Variants in SYT7 observed in about 807,000 individuals in gnomAD.
SYT7 encodes the protein synaptotagmin 7, also known as synaptotagmin-7.
In SYT7, 29 loss-of-function variants were observed where a neutral mutation model predicts 75.1. The observed-to-expected ratio is 0.39, with a 90% CI of 0.29 to 0.53. The LOEUF is 0.53. SYT7 is among the 20% of genes least tolerant of loss of function. The pLI is 0.77. For missense variants in SYT7, 693 were observed against 953.2 expected, an observed-to-expected ratio of 0.73 and a Z score of 3.59; for synonymous variants, 376 against 401.7, an observed-to-expected ratio of 0.94 and a Z score of 0.76.
At position 61,551,303 on chromosome 11, in the gene SYT7, G is replaced by A. The variant is rs1217456569; in HGVS notation, c.215+81C>T. The A allele has an allele frequency of 1.5e-5, 20 of 1,331,412 alleles. No individual in the cohort carries two copies. The Admixed American group carries it at 3.4e-4, about 23-fold the overall frequency. 82.5% of individuals were successfully genotyped at this position (1,331,412 alleles called of 1,614,324 possible). A position where few individuals can be genotyped will look rare whatever the true frequency, so the allele number is the denominator to read the frequency against. ...GAAGTGAAAGTGTGTGGTCAGGTCT[G>A]TGGGGCTGGGGGAGAGAAGGGGCTC... is the stretch of plus-strand genomic sequence containing the variant. On this transcript the variant is annotated intron_variant, in intron 3 of 12. Coordinates refer to ENST00000539008, the MANE Select transcript of SYT7 (RefSeq NM_001365809.2). This position sits in a 1 kb window ranked among gnomAD's most constrained non-coding sequence, Gnocchi z 5.3.
chr11:61,542,279 G>A lies in SYT7; in HGVS notation c.873C>T (p.Ser291=). The change falls in exon 6 of 13, where the codon TCC becomes TCT. Residue 291 remains serine, a synonymous_variant. Transcript: ENST00000539008. This position sits in a 1 kb window ranked among gnomAD's most constrained non-coding sequence, Gnocchi z 7.8. Reference sequence around the variant, plus strand: ...CCACGTGGTCCCAGCTGCCTGGGTTGGAGCGGCTGCGGCCCCCTGCCGCCC... The same window carrying A: ...CCACGTGGTCCCAGCTGCCTGGGTTAGAGCGGCTGCGGCCCCCTGCCGCCC... The part of the protein sequence containing the change: ...KYRAAGGRSR[S]NPGSWDHVVG... 1.3e-6 allele frequency: 2 copies of A among 1,535,170 alleles called. No individual in the cohort carries two copies. The highest frequency in any genetic ancestry group is 1.7e-6 in the Non-Finnish European group (2 of 1,146,428).
At chr11:61,573,191 T>TG (rs1038425558) in intron 1 of SYT7, among the ~76,000 whole-genome samples, 9 of 152,118 alleles carry the variant, frequency 5.9e-5, no homozygotes, top group African/African-American at 9.7e-5. Flanking sequence ...CCCTGATGCC[T>TG]GGGGGGGTTA....
At chr11:61,537,326 T>C (rs2062896707) in intron 7 of SYT7, among the ~76,000 whole-genome samples, 1 of 143,938 alleles carries the variant, frequency 6.9e-6, no homozygotes, top group African/African-American at 2.5e-5. Flanking sequence ...CCCTTGCCCA[T>C]GAGCAGCGCC....
chr11:61,547,391 C>T, intron 3 of SYT7, 83 bp from the exon 4 acceptor site: 1 of 1,474,826 alleles, frequency 6.8e-7, no homozygotes, highest in Non-Finnish European at 9.1e-7. Flanking sequence ...GCAGAAGGGA[C>T]CAGGACCCCG....
At chr11:61,521,321 A>G (rs2062322200) in intron 12 of SYT7, among the ~76,000 whole-genome samples, 1 of 152,258 alleles carries the variant, frequency 6.6e-6, no homozygotes, top group South Asian at 2.1e-4. Context: ...GGCCTGTTTC[A>G]GAAGGAGCTC....
chr11:61,550,310 C>A (rs1269382282), intron 3 of SYT7, among the ~76,000 whole-genome samples: 1 of 151,908 alleles, frequency 6.6e-6, no homozygotes, highest in Non-Finnish European at 1.5e-5. Flanking sequence ...TGGGAGGGAG[C>A]CCTCAGGAGC....
In SYT7 at chr11:61,542,110, G is replaced by A. The variant is rs1590878369; in HGVS notation, c.941+101C>T. On this transcript the variant is annotated intron_variant, in intron 6 of 12. Transcript: ENST00000539008. This position sits in a 1 kb window ranked among gnomAD's most constrained non-coding sequence, Gnocchi z 7.8. ...CTTGGCACCCTGCCAAGGGGATGGA[G>A]GGCCGGGAGGTACACACAACCAGCT... 4 of 1,422,870 alleles carry A rather than the reference G, an allele frequency of 2.8e-6. No homozygotes were observed. The highest frequency in any genetic ancestry group is 2.9e-5 in the South Asian group (2 of 69,632). 88.1% of individuals were successfully genotyped at this position (1,422,870 alleles called of 1,614,324 possible). A position where few individuals can be genotyped will look rare whatever the true frequency, so the allele number is the denominator to read the frequency against.
chr11:61,530,220 C>T (rs2062662749), intron 8 of SYT7, among the ~76,000 whole-genome samples: 1 of 152,222 alleles, frequency 6.6e-6, no homozygotes, highest in East Asian at 1.9e-4. Flanking sequence ...CCACCTGCGC[C>T]TTGCTCTTGC....
At chr11:61,555,628 C>G (rs2063478932) in intron 2 of SYT7, among the ~76,000 whole-genome samples, 1 of 152,064 alleles carries the variant, frequency 6.6e-6, no homozygotes, top group Admixed American at 6.5e-5. Context: ...GGGGGTGGGG[C>G]GGGCGGCGCC....
intron 12 of SYT7, among the ~76,000 whole-genome samples, chr11:61,522,182 G>A (rs1291779363): frequency 4.1e-5 from 6 of 145,464 alleles, no homozygotes; most frequent in African/African-American, 7.7e-5. Flanking sequence ...GATATGAAGA[G>A]ATCACTTTTT....
intron 9 of SYT7, among the ~76,000 whole-genome samples, chr11:61,525,007 G>C (rs528229392): frequency 6.0e-4 from 91 of 152,296 alleles, no homozygotes; most frequent in African/African-American, 2.1e-3. Context: ...GGAGGGAAAA[G>C]GCAAAGGCAC....
At position 61,517,247 on chromosome 11, in the gene SYT7, C is replaced by T. The variant is rs1014053572; in HGVS notation, c.*1380G>A. On this transcript the variant is annotated 3_prime_UTR_variant, in exon 13 of 13. Transcript: ENST00000539008. ...AAGCAGGGATCAGCCTGAAATCTGC[C>T]GTCTCCAAGGGGAAGCCAGTTTTAG... 7.5e-6 allele frequency: 3 copies of T among 398,520 alleles called. No individual in the cohort carries two copies. The highest frequency in any genetic ancestry group is 8.8e-6 in the Non-Finnish European group (2 of 226,060). The allele number at this position is 398,520 out of a possible 1,614,324, so 24.7% of individuals were successfully genotyped here. A position where few individuals can be genotyped will look rare whatever the true frequency, so the allele number is the denominator to read the frequency against.
At position 61,546,130 on chromosome 11, in the gene SYT7, C is replaced by G. The variant is rs773128770; in HGVS notation, c.473G>C (p.Gly158Ala). ...PPGEDALRSG[G>A]AAPSEPGSGG... ...GCTGCCCGGCTCGCTGGGGGCAGCCCCGCCGCTTCTCAAGGCGTCCTCTCC... is the reference window on the plus strand; with the variant it reads ...GCTGCCCGGCTCGCTGGGGGCAGCCGCGCCGCTTCTCAAGGCGTCCTCTCC... The change falls in exon 5 of 13, where the codon GGG becomes GCG. Residue 158 changes from glycine (G) to alanine (A), a missense_variant. Transcript: ENST00000539008. The surrounding 1 kb of genome is among the most constrained non-coding windows in gnomAD (Gnocchi z 7.6). 9.8e-6 allele frequency: 15 copies of G among 1,530,014 alleles called. No homozygotes were observed. In the South Asian group the frequency reaches 1.8e-4, roughly 18 times the overall value. The allele number at this position is 1,530,014 out of a possible 1,614,324, so 94.8% of individuals were successfully genotyped here.
intron 1 of SYT7, among the ~76,000 whole-genome samples, chr11:61,574,874 G>A (rs532109214): frequency 7.2e-5 from 11 of 152,132 alleles, no homozygotes; most frequent in Admixed American, 2.0e-4. Context: ...AGCAGCTGCC[G>A]CGGCAGGGTT....
In SYT7 at chr11:61,580,882, C is replaced by T. The variant is rs1469772050; in HGVS notation, c.-62G>A. 1.3e-5 allele frequency: 15 copies of T among 1,136,892 alleles called. No individual in the cohort carries two copies. Among genetic ancestry groups the T allele is most frequent in the Non-Finnish European group, 1.6e-5 (15 of 927,784 alleles). The allele number at this position is 1,136,892 out of a possible 1,614,324, so 70.4% of individuals were successfully genotyped here. On this transcript the variant is annotated 5_prime_UTR_variant, in exon 1 of 13. Coordinates refer to ENST00000539008, the MANE Select transcript of SYT7 (RefSeq NM_001365809.2). This position sits in a 1 kb window ranked among gnomAD's most constrained non-coding sequence, Gnocchi z 6.1. Reference sequence around the variant, plus strand: ...AGCCGCCCGCGGCCGCGCGCTGCTCCGCCGCCGCCGCTGGGCATGGGGCCG... The same window carrying T: ...AGCCGCCCGCGGCCGCGCGCTGCTCTGCCGCCGCCGCTGGGCATGGGGCCG...
At chr11:61,531,461 G>C (rs116568498) in intron 8 of SYT7, among the ~76,000 whole-genome samples, 2,424 of 152,244 alleles carry the variant, frequency 0.016, 28 homozygotes, top group South Asian at 0.059. Flanking sequence ...TCTTCCTGGG[G>C]GGGGGAAGAT....
At position 61,542,070 on chromosome 11, in the gene SYT7, G is replaced by A. The variant is rs2135238555; in HGVS notation, c.941+141C>T. On this transcript the variant is annotated intron_variant, in intron 6 of 12. Coordinates refer to ENST00000539008, the MANE Select transcript of SYT7 (RefSeq NM_001365809.2). The surrounding 1 kb of genome is among the most constrained non-coding windows in gnomAD (Gnocchi z 7.8). ...CAGGAGCCACAAGAGGCTAAGGAGGGGGCTGCCAAGTCTGCTTGGCACCCT... is the reference window on the plus strand; with the variant it reads ...CAGGAGCCACAAGAGGCTAAGGAGGAGGCTGCCAAGTCTGCTTGGCACCCT... 1 of 1,153,772 alleles carries A rather than the reference G, an allele frequency of 8.7e-7. No homozygotes were observed. Among genetic ancestry groups the A allele is most frequent in the Non-Finnish European group, 1.2e-6 (1 of 850,430 alleles). 71.5% of individuals were successfully genotyped at this position (1,153,772 alleles called of 1,614,324 possible).
rs1262929026 is a variant in SYT7 at position 61,580,154 on chromosome 11, A to AC, written c.31+635dup. 6.7e-6 allele frequency among the ~76,000 whole-genome samples: 1 copy of AC among 150,134 alleles called. No homozygotes were observed. Among genetic ancestry groups the AC allele is most frequent in the Non-Finnish European group, 1.5e-5 (1 of 67,430 alleles). ...GGGTTGTTTGCTTCCCCCTCCCCAA[A>AC]CCTAGGAGAACATTCTCTTGGCACC... On this transcript the variant is annotated intron_variant, in intron 1 of 12. Transcript: ENST00000539008. This position sits in a 1 kb window ranked among gnomAD's most constrained non-coding sequence, Gnocchi z 6.1.
chr11:61,537,070 G>A (rs2062889771), intron 7 of SYT7, among the ~76,000 whole-genome samples: 1 of 152,252 alleles, frequency 6.6e-6, no homozygotes, highest in Admixed American at 6.5e-5. Flanking sequence ...GCCCAAGGCT[G>A]CAGAATGAGG....
Sources: gnomAD v4.1 joint callset for allele counts (sites outside exome capture counted in the v4.1 genomes callset) on GRCh38, gnomAD v4.1.1 for gene constraint, Gnocchi (gnomAD v3.1) non-coding constraint, MANE v1.5 for transcripts, NCBI Gene and HGNC (gene_info 2026-07-23, HGNC 2026-07-21) for gene names.